ADCY5: variants seen among roughly 807,000 people sequenced by gnomAD.
ADCY5 encodes adenylate cyclase type 5.
A neutral mutation model predicts 119.7 loss-of-function variants in ADCY5; 30 were observed. The ratio of observed to expected loss-of-function variants is 0.25; its 90% CI spans 0.19 to 0.34. The LOEUF is 0.34. ADCY5 is among the 10% of genes least tolerant of loss of function. The pLI, the probability that ADCY5 is intolerant of heterozygous loss-of-function variation, is 1.00. For synonymous variants in ADCY5, 753 were observed against 762.2 expected (o/e 0.99, Z 0.20); for missense variants, 1,324 against 1,775.2 (o/e 0.75, Z 4.57).
rs1268668628 is a variant in ADCY5, at chr3:123,314,336, G to C, written c.2355-14C>G. On this transcript the variant is annotated splice_polypyrimidine_tract_variant and intron_variant, in intron 11 of 20. Transcript: ENST00000462833. ...ATGAATATGGAGCTGGAAGGAGAGA[G>C]GAGGGGAGGGAGAAGCCAGGCTCAG... The C allele has an allele frequency of 6.3e-7, 1 of 1,599,684 alleles. No individual in the cohort carries two copies. The highest frequency in any genetic ancestry group is 1.7e-5 in the Admixed American group (1 of 59,474).
chr3:123,345,308 C>T (rs114846458), intron 3 of ADCY5, among the ~76,000 whole-genome samples: 6,798 of 152,294 alleles, frequency 0.045, 471 homozygotes, highest in African/African-American at 0.15. Flanking sequence ...GCCGGTGAGC[C>T]GGCTGTGTTG....
In ADCY5 at chr3:123,352,885, AC is replaced by A. The variant is rs1040518805; in HGVS notation, c.1135-305del. On this transcript the variant is annotated intron_variant, in intron 1 of 20. Coordinates refer to ENST00000462833, the MANE Select transcript of ADCY5 (RefSeq NM_183357.3). This position sits in a 1 kb window ranked among gnomAD's most constrained non-coding sequence, Gnocchi z 4.8. The stretch of plus-strand genomic sequence containing the variant: ...AAATTAAAAGGCTACATGTACTGTG[AC>A]AGAGCTGTGTGTGTGCTCGGGGCAG... 1.6e-4 allele frequency among the ~76,000 whole-genome samples: 25 copies of A among 152,310 alleles called. No individual in the cohort carries two copies. Among genetic ancestry groups the A allele is most frequent in the African/African-American group, 5.5e-4 (23 of 41,572 alleles).
At chr3:123,444,954 G>A (rs2107656169) in intron 1 of ADCY5, among the ~76,000 whole-genome samples, 1 of 152,314 alleles carries the variant, frequency 6.6e-6, no homozygotes, top group African/African-American at 2.4e-5. Context: ...GTTAATGCTG[G>A]ACTTCCCCCA....
At chr3:123,299,020 C>T (rs555791146) in intron 15 of ADCY5, among the ~76,000 whole-genome samples, 96 of 152,102 alleles carry the variant, frequency 6.3e-4, no homozygotes, top group Non-Finnish European at 9.6e-4. Flanking sequence ...ATATCCTGCC[C>T]GAGTGAAGAA....
chr3:123,417,257 G>C (rs1354258137), intron 1 of ADCY5, among the ~76,000 whole-genome samples: 2 of 152,196 alleles, frequency 1.3e-5, no homozygotes, highest in East Asian at 1.9e-4. Flanking sequence ...ATGTGATCCA[G>C]GGCAGGAGGC....
intron 1 of ADCY5, among the ~76,000 whole-genome samples, chr3:123,370,017 G>A (rs1464497813): frequency 6.6e-6 from 1 of 152,228 alleles, no homozygotes; most frequent in Non-Finnish European, 1.5e-5. Context: ...CTTGGGGCAT[G>A]AGGAGTAACA....
Position 123,284,743 on chromosome 3 carries a change from G to A in ADCY5, c.3658-7C>T. 6.2e-7 allele frequency: 1 copy of A among 1,614,098 alleles called. No homozygotes were observed. Among genetic ancestry groups the A allele is most frequent in the South Asian group, 1.1e-5 (1 of 91,080 alleles). Reference sequence around the variant, plus strand: ...GGTACATGTCTGTGGTGACCTGTGGGGGAACAGGAGGAGAGAGGGCAAGCC... The same window carrying A: ...GGTACATGTCTGTGGTGACCTGTGGAGGAACAGGAGGAGAGAGGGCAAGCC... On this transcript the variant is annotated splice_region_variant and splice_polypyrimidine_tract_variant and intron_variant, in intron 20 of 20. Transcript: ENST00000462833.
chr3:123,396,699 AGAG>A (rs1944585140), intron 1 of ADCY5, among the ~76,000 whole-genome samples: 1 of 141,298 alleles, frequency 7.1e-6, no homozygotes, highest in African/African-American at 2.8e-5. Context: ...AGAGAGAGAG[AGAG>A]GGAGGGAGGG....
chr3:123,426,831 C>T (rs913576466), intron 1 of ADCY5, among the ~76,000 whole-genome samples: 1 of 152,098 alleles, frequency 6.6e-6, no homozygotes, highest in African/African-American at 2.4e-5. Flanking sequence ...TCCTCAGAGG[C>T]ACTCAGTGGG....
chr3:123,443,509 C>G (rs959950160), intron 1 of ADCY5, among the ~76,000 whole-genome samples: 1 of 152,168 alleles, frequency 6.6e-6, no homozygotes, highest in South Asian at 2.1e-4. Flanking sequence ...GCCACAGCCT[C>G]GATTCTTGGT....
chr3:123,396,688 A>AAG (rs368056971), intron 1 of ADCY5, among the ~76,000 whole-genome samples: 3 of 140,490 alleles, frequency 2.1e-5, no homozygotes, highest in East Asian at 2.1e-4. Flanking sequence ...GAACAAAAGA[A>AAG]AGAGAGAGAG....
At chr3:123,393,415 G>A (rs927994603) in intron 1 of ADCY5, among the ~76,000 whole-genome samples, 6 of 151,974 alleles carry the variant, frequency 3.9e-5, no homozygotes, top group African/African-American at 7.3e-5. Context: ...AATTAGGTGG[G>A]CAGGGTGGGG....
At chr3:123,439,330 G>C (rs909139111) in intron 1 of ADCY5, among the ~76,000 whole-genome samples, 7 of 151,828 alleles carry the variant, frequency 4.6e-5, no homozygotes, top group African/African-American at 1.5e-4. Flanking sequence ...CCAAAGTGCT[G>C]GGATTACAGG....
intron 12 of ADCY5, among the ~76,000 whole-genome samples, chr3:123,309,769 G>A (rs1940438672): frequency 6.6e-6 from 1 of 152,094 alleles, no homozygotes; most frequent in South Asian, 2.1e-4. Context: ...AGCATGCAGG[G>A]GGAAAGGTAA....
At chr3:123,421,243 A>G (rs184286891) in intron 1 of ADCY5, among the ~76,000 whole-genome samples, 1 of 152,316 alleles carries the variant, frequency 6.6e-6, no homozygotes, top group East Asian at 1.9e-4. Context: ...AGGGTTTACC[A>G]GGTGCTACAC....
At position 123,448,376 on chromosome 3, in the gene ADCY5, G is replaced by C; in HGVS notation, c.170C>G (p.Pro57Arg). The C allele has an allele frequency of 6.8e-7, 1 of 1,479,596 alleles. No homozygotes were observed. Among genetic ancestry groups the C allele is most frequent in the Non-Finnish European group, 8.9e-7 (1 of 1,125,754 alleles). The allele number at this position is 1,479,596 out of a possible 1,614,324, so 91.7% of individuals were successfully genotyped here. A position where few individuals can be genotyped will look rare whatever the true frequency, so the allele number is the denominator to read the frequency against. ...CTGCTGCGGGGTCACCGCCCCCCCG[G>C]GTTTCTTGGTGGAGCCGCGGGCAGA... The part of the protein sequence containing the change: ...GGSARGSTKK[P>R]GGAVTPQQQQ... The change falls in exon 1 of 21, where the codon CCC (proline) becomes CGC (arginine). Residue 57 changes from proline (P) to arginine (R), a missense_variant. Coordinates refer to ENST00000462833, the MANE Select transcript of ADCY5 (RefSeq NM_183357.3).
intron 8 of ADCY5, among the ~76,000 whole-genome samples, chr3:123,324,837 C>T (rs550740990): frequency 3.0e-4 from 45 of 152,344 alleles, no homozygotes; most frequent in African/African-American, 1.1e-3. Context: ...AGGGGACCAC[C>T]ACCTGGCACT....
At chr3:123,345,769 G>GACACACAGACACACACACACAC (rs1553731376) in intron 3 of ADCY5, among the ~76,000 whole-genome samples, 9,088 of 112,706 alleles carry the variant, frequency 0.081, 756 homozygotes, top group South Asian at 0.12. Flanking sequence ...CAGACAGACA[G>GACACACAGACACACACACACAC]ACACACACAC....
intron 11 of ADCY5, among the ~76,000 whole-genome samples, chr3:123,314,578 G>C (rs895143040): frequency 1.3e-5 from 2 of 152,238 alleles, no homozygotes; most frequent in African/African-American, 4.8e-5. Flanking sequence ...TAAGGGTATG[G>C]TTCCCTCCCC....
Sources: gnomAD v4.1 joint callset for allele counts (sites outside exome capture counted in the v4.1 genomes callset) on GRCh38, gnomAD v4.1.1 for gene constraint, Gnocchi (gnomAD v3.1) non-coding constraint, MANE v1.5 for transcripts, NCBI Gene and HGNC (gene_info 2026-07-23, HGNC 2026-07-21) for gene names.